PDE1C: variants seen among roughly 807,000 people sequenced by gnomAD.
PDE1C encodes phosphodiesterase 1C, also known as dual specificity calcium/calmodulin-dependent 3',5'-cyclic nucleotide phosphodiesterase 1C.
PDE1C carries 62 observed loss-of-function variants against 93.1 expected under a neutral mutation model. The observed-to-expected ratio is 0.67, with a 90% CI of 0.54 to 0.82. The LOEUF (loss-of-function observed/expected upper bound fraction) is 0.82, where lower values mean the gene tolerates loss of function less well. Among genes scored for constraint, PDE1C ranks in the 40% least tolerant of loss-of-function variants. The pLI is 0.00. For missense variants in PDE1C, 742 were observed against 884.6 expected, an observed-to-expected ratio of 0.84 and a Z score of 2.04; for synonymous variants, 325 against 310.1, an observed-to-expected ratio of 1.05 and a Z score of -0.50.
intron 1 of PDE1C, among the ~76,000 whole-genome samples, chr7:32,410,248 G>C (rs372470170): frequency 6.6e-6 from 1 of 152,050 alleles, no homozygotes; most frequent in Admixed American, 6.6e-5. Flanking sequence ...TGGGAGCATC[G>C]CTTGAGCCCA....
intron 1 of PDE1C, among the ~76,000 whole-genome samples, chr7:32,287,935 C>A (rs1053344404): frequency 6.6e-6 from 1 of 152,188 alleles, no homozygotes; most frequent in Non-Finnish European, 1.5e-5. Flanking sequence ...GGGCGCAGTG[C>A]CTCACACCTG....
chr7:32,419,620 A>G (rs1187126811), intron 1 of PDE1C, among the ~76,000 whole-genome samples: 1 of 152,204 alleles, frequency 6.6e-6, no homozygotes, highest in Non-Finnish European at 1.5e-5. Flanking sequence ...CCTTCCTGGC[A>G]GTGGCTGCCT....
At position 31,813,455 on chromosome 7, in the gene PDE1C, C is replaced by A. The variant is rs77373531; in HGVS notation, c.1813+2469G>T. ...AAAGAAGCCCATGTATTCAGCAGAC[C>A]AACTCTGTGTTTCCCAAGTTCCAGT... On this transcript the variant is annotated intron_variant, in intron 15 of 17. Transcript: ENST00000396191. 4.6e-5 allele frequency among the ~76,000 whole-genome samples: 7 copies of A among 152,122 alleles called. No homozygotes were observed. In the South Asian group the frequency reaches 1.2e-3, roughly 27 times the overall value.
At chr7:31,918,662 A>G (rs1324396024) in intron 2 of PDE1C, among the ~76,000 whole-genome samples, 3 of 152,156 alleles carry the variant, frequency 2.0e-5, no homozygotes, top group Non-Finnish European at 2.9e-5. Flanking sequence ...TAAGTCAGTT[A>G]CTAGTCCATA....
rs564352471 is a variant in PDE1C at position 32,021,597 on chromosome 7, G to GT, written c.128+29956dup. ...GTAGTTCCACTTGCCTTTTAAAATA[G>GT]TTTTTTTATAATTCAGAGCTGTATT... On this transcript the variant is annotated intron_variant, in intron 2 of 17. Coordinates refer to ENST00000396191, the MANE Select transcript of PDE1C (RefSeq NM_001191057.4). Among the ~76,000 whole-genome samples the GT allele has an allele frequency of 5.0e-3, 758 of 152,114 alleles. 7 individuals are homozygous for GT. Among genetic ancestry groups the GT allele is most frequent in the African/African-American group, 0.014 (600 of 41,502 alleles).
the PDE1C span, among the ~76,000 whole-genome samples, chr7:31,721,580 G>T: frequency 6.6e-6 from 1 of 152,218 alleles, no homozygotes; most frequent in Non-Finnish European, 1.5e-5. Flanking sequence ...TGAGTATATA[G>T]AAACCAGAGA....
intron 3 of PDE1C, among the ~76,000 whole-genome samples, chr7:32,107,983 A>C (rs969749868): frequency 6.6e-6 from 1 of 151,708 alleles, no homozygotes; most frequent in African/African-American, 2.4e-5. Flanking sequence ...ATCAAAAAGA[A>C]ATTTTTTTAA....
chr7:32,094,386 G>A (rs1012677596), intron 3 of PDE1C, among the ~76,000 whole-genome samples: 1 of 152,166 alleles, frequency 6.6e-6, no homozygotes, highest in African/African-American at 2.4e-5. Context: ...TTTTGTGCTT[G>A]TAAAAACATG....
chr7:31,879,057 C>T lies in PDE1C; in HGVS notation c.364G>A (p.Asp122Asn), dbSNP rs868133283. 14 of 1,614,032 alleles carry T rather than the reference C, an allele frequency of 8.7e-6. No individual in the cohort carries two copies. Among genetic ancestry groups the T allele is most frequent in the African/African-American group, 2.7e-5 (2 of 74,920 alleles). The change falls in exon 4 of 18, where the codon GAC becomes AAC. Residue 122 changes from aspartate to asparagine, a missense_variant. This residue lies in a region of PDE1C where 205 missense variants were observed against 295.3 expected (regional missense o/e 0.69). Coordinates refer to ENST00000396191, the MANE Select transcript of PDE1C (RefSeq NM_001191057.4). ...RQMGMMLRRS[D>N]EKPRFKSIVH... The stretch of plus-strand genomic sequence containing the variant: ...ATGCTCTTGAACCGGGGCTTCTCGT[C>T]GCTCCTCCTGAGCATCATCCCCATC...
At chr7:32,018,112 T>A (rs1788156771) in intron 2 of PDE1C, among the ~76,000 whole-genome samples, 2 of 150,960 alleles carry the variant, frequency 1.3e-5, no homozygotes, top group Middle Eastern at 3.2e-3. Flanking sequence ...CACAATGAGA[T>A]ACAACTTCAC....
intron 1 of PDE1C, among the ~76,000 whole-genome samples, chr7:32,066,622 G>C (rs916144948): frequency 6.6e-6 from 1 of 152,092 alleles, no homozygotes; most frequent in Non-Finnish European, 1.5e-5. Context: ...GGGACCCAAG[G>C]TACAGTCATA....
At chr7:31,738,936 C>T in the PDE1C span, among the ~76,000 whole-genome samples, 1 of 152,082 alleles carries the variant, frequency 6.6e-6, no homozygotes, top group African/African-American at 2.4e-5. Flanking sequence ...AGGAAATGCT[C>T]AGGACGGGTT....
intron 2 of PDE1C, among the ~76,000 whole-genome samples, chr7:31,985,593 C>T (rs1235275020): frequency 2.6e-5 from 4 of 151,682 alleles, no homozygotes; most frequent in Non-Finnish European, 4.4e-5. Context: ...CCCGACAGGT[C>T]CCAGTGTGTG....
the PDE1C span, among the ~76,000 whole-genome samples, chr7:31,691,225 T>C: frequency 4.6e-5 from 7 of 152,200 alleles, no homozygotes; most frequent in Non-Finnish European, 2.9e-5. Context: ...TCTCAGCACA[T>C]AGAGGAAGAG....
At chr7:31,929,382 G>A (rs760613375) in intron 2 of PDE1C, among the ~76,000 whole-genome samples, 3 of 152,130 alleles carry the variant, frequency 2.0e-5, no homozygotes, top group Admixed American at 6.5e-5. Context: ...AGATCGATGA[G>A]ACAGAAAATT....
intron 14 of PDE1C, among the ~76,000 whole-genome samples, chr7:31,818,647 C>T (rs964730728): frequency 3.9e-5 from 6 of 152,088 alleles, no homozygotes; most frequent in African/African-American, 1.4e-4. Flanking sequence ...ATGTTAGTTT[C>T]CTTAACCAAT....
chr7:32,334,502 C>T (rs1170528523), intron 1 of PDE1C, among the ~76,000 whole-genome samples: 1 of 152,018 alleles, frequency 6.6e-6, no homozygotes, highest in Non-Finnish European at 1.5e-5. Flanking sequence ...AGTTCTCTAG[C>T]GGTGCTTTGT....
chr7:32,395,816 C>A (rs1784831050), intron 1 of PDE1C, among the ~76,000 whole-genome samples: 1 of 152,148 alleles, frequency 6.6e-6, no homozygotes, highest in Non-Finnish European at 1.5e-5. Context: ...AAAGCATTCT[C>A]AGGAAAACCT....
At position 32,362,893 on chromosome 7, in the gene PDE1C, G is replaced by A. The variant is rs189227151; in HGVS notation, c.310+64929C>T. On this transcript the variant is annotated intron_variant, in intron 1 of 1. Transcript: ENST00000672256. ...GCTGGGTGGCACCTGGCAGTCAGGGGAAGACCCAAGTACACATGACCTTTA... is the reference window on the plus strand; with the variant it reads ...GCTGGGTGGCACCTGGCAGTCAGGGAAAGACCCAAGTACACATGACCTTTA... Among the ~76,000 whole-genome samples the A allele has an allele frequency of 1.2e-3, 184 of 152,354 alleles. 1 individual carries two copies. Among genetic ancestry groups the A allele is most frequent in the Admixed American group, 2.2e-3 (34 of 15,308 alleles).
Sources: gnomAD v4.1 joint callset for allele counts (sites outside exome capture counted in the v4.1 genomes callset) on GRCh38, gnomAD v4.1.1 for gene constraint, gnomAD v4.1.1 regional missense constraint, MANE v1.5 for transcripts, NCBI Gene and HGNC (gene_info 2026-07-23, HGNC 2026-07-21) for gene names.